The following OSBP2 variants were observed in gnomAD, a reference collection of about 807,000 sequenced individuals.
OSBP2 encodes the protein oxysterol-binding protein 2.
A neutral mutation model predicts 96.0 loss-of-function variants in OSBP2; 66 were observed. That is an observed-to-expected ratio of 0.69 (90% CI 0.56 to 0.84). OSBP2 has a LOEUF of 0.84. Among genes scored for constraint, OSBP2 ranks in the 40% least tolerant of loss-of-function variants. OSBP2 has a pLI of 0.00. For synonymous variants in OSBP2, 525 were observed against 520.9 expected (o/e 1.01, Z -0.11); for missense variants, 1,038 against 1,222.7 (o/e 0.85, Z 2.25).
chr22:30,828,819 C>T (rs1449035640), intron 2 of OSBP2, among the ~76,000 whole-genome samples: 3 of 152,120 alleles, frequency 2.0e-5, no homozygotes, highest in Admixed American at 1.3e-4. Flanking sequence ...CAGGCTTCCC[C>T]CAGTGCTTGT....
chr22:30,739,663 C>T (rs2089909017), intron 1 of OSBP2, among the ~76,000 whole-genome samples: 1 of 151,888 alleles, frequency 6.6e-6, no homozygotes, highest in Non-Finnish European at 1.5e-5. Flanking sequence ...TTGTAAACGC[C>T]CAAGGGGTTC....
chr22:30,807,545 G>A (rs562906220), intron 2 of OSBP2, among the ~76,000 whole-genome samples: 2 of 152,102 alleles, frequency 1.3e-5, no homozygotes, highest in South Asian at 2.1e-4. Context: ...TGCCACAGCC[G>A]GGCCTGGAAG....
chr22:30,780,356 G>A (rs768450522), intron 2 of OSBP2, among the ~76,000 whole-genome samples: 4 of 152,192 alleles, frequency 2.6e-5, no homozygotes, highest in Admixed American at 6.5e-5. Flanking sequence ...GACCTCATCC[G>A]TGAGTTTTCC....
intron 5 of OSBP2, among the ~76,000 whole-genome samples, 163 bp from the exon 6 acceptor site, chr22:30,889,014 C>A (rs1226060106): frequency 6.6e-6 from 1 of 152,194 alleles, no homozygotes; most frequent in Non-Finnish European, 1.5e-5. Flanking sequence ...ACTATCCACC[C>A]TTGAAATGTT....
intron 2 of OSBP2, among the ~76,000 whole-genome samples, chr22:30,760,196 C>T (rs1247551383): frequency 6.8e-6 from 1 of 148,054 alleles, no homozygotes; most frequent in Non-Finnish European, 1.5e-5. Context: ...CAGAGTCTTG[C>T]ACTGTTGCCC....
intron 2 of OSBP2, among the ~76,000 whole-genome samples, chr22:30,804,113 A>G (rs2090894332): frequency 6.6e-6 from 1 of 152,132 alleles, no homozygotes; most frequent in Admixed American, 6.6e-5. Context: ...GGTCAGACAG[A>G]TAGATGTGTT....
intron 1 of OSBP2, among the ~76,000 whole-genome samples, chr22:30,726,021 A>G (rs772980941): frequency 1.3e-5 from 2 of 151,954 alleles, no homozygotes; most frequent in Non-Finnish European, 2.9e-5. Flanking sequence ...CTCAAGTGAT[A>G]TGCCCACCTC....
At chr22:30,760,401 C>T (rs2090192282) in intron 2 of OSBP2, among the ~76,000 whole-genome samples, 1 of 152,094 alleles carries the variant, frequency 6.6e-6, no homozygotes, top group Non-Finnish European at 1.5e-5. Context: ...ACATCTTCAA[C>T]AAAATATTAA....
intron 2 of OSBP2, among the ~76,000 whole-genome samples, chr22:30,779,520 T>G (rs1368868385): frequency 6.6e-6 from 1 of 152,098 alleles, no homozygotes; most frequent in Non-Finnish European, 1.5e-5. Context: ...GTTTTTTGGA[T>G]GGGGACATTT....
intron 1 of OSBP2, among the ~76,000 whole-genome samples, chr22:30,710,276 A>G (rs964477998): frequency 6.6e-6 from 1 of 152,210 alleles, no homozygotes; most frequent in African/African-American, 2.4e-5. Context: ...GAGCAGAATC[A>G]GTGCTTGACT....
intron 1 of OSBP2, among the ~76,000 whole-genome samples, chr22:30,740,466 C>T (rs996470218): frequency 3.3e-5 from 5 of 152,158 alleles, no homozygotes; most frequent in African/African-American, 1.2e-4. Flanking sequence ...TACTCTAGTC[C>T]CTAGGCAAGA....
At chr22:30,901,640 G>GA (rs2040198159) in intron 12 of OSBP2, among the ~76,000 whole-genome samples, 1 of 151,884 alleles carries the variant, frequency 6.6e-6, no homozygotes, top group African/African-American at 2.4e-5. Context: ...CAAGGCCGGT[G>GA]GAACACCTGA....
rs376157573 is a variant in OSBP2 at position 30,741,184 on chromosome 22, C to A, written c.668C>A (p.Thr223Lys). The change falls in exon 2 of 14, where the codon ACG becomes AAG. Residue 223 changes from threonine to lysine, a missense_variant. Thr to Lys is a moderately conservative substitution (Grantham distance 78, BLOSUM62 -1). This residue lies in a region of OSBP2 where 281 missense variants were observed against 273.4 expected (regional missense o/e 1.03). Coordinates refer to ENST00000332585, the MANE Select transcript of OSBP2 (RefSeq NM_030758.4). ...YYRNQGEMAH[T>K]CRGTINLSTA... ...AGAAATCAGGGTGAAATGGCCCACA[C>A]GTGCCGTGGAACCATCAACCTGTCC... 1.2e-6 allele frequency: 2 copies of A among 1,613,952 alleles called. No individual in the cohort carries two copies. Among genetic ancestry groups the A allele is most frequent in the Non-Finnish European group, 1.7e-6 (2 of 1,179,940 alleles).
intron 2 of OSBP2, among the ~76,000 whole-genome samples, chr22:30,833,774 G>A (rs1220874937): frequency 6.6e-6 from 1 of 152,142 alleles, no homozygotes; most frequent in East Asian, 1.9e-4. Context: ...TTGCAGGTCT[G>A]GGACTTCATC....
At chr22:30,720,289 G>C (rs1258647888) in intron 1 of OSBP2, among the ~76,000 whole-genome samples, 2 of 152,166 alleles carry the variant, frequency 1.3e-5, no homozygotes, top group African/African-American at 4.8e-5. Flanking sequence ...ATTAATTGGG[G>C]TGATCCTGAG....
chr22:30,860,685 C>T (rs1432115785), intron 2 of OSBP2, among the ~76,000 whole-genome samples: 1 of 152,174 alleles, frequency 6.6e-6, no homozygotes, highest in East Asian at 1.9e-4. Context: ...GTGAGTGAGC[C>T]CACCACAGAG....
At chr22:30,866,881 C>T (rs999626707) in intron 2 of OSBP2, among the ~76,000 whole-genome samples, 2 of 152,224 alleles carry the variant, frequency 1.3e-5, no homozygotes, top group Admixed American at 6.5e-5. Flanking sequence ...CTTCTGGACT[C>T]AGTGTGGCCA....
At chr22:30,729,755 C>T (rs1459329036) in intron 1 of OSBP2, among the ~76,000 whole-genome samples, 1 of 151,824 alleles carries the variant, frequency 6.6e-6, no homozygotes, top group South Asian at 2.1e-4. Context: ...CCTGTAATCC[C>T]AGTACTTTGA....
At chr22:30,706,618 A>G (rs2089257663) in intron 1 of OSBP2, among the ~76,000 whole-genome samples, 1 of 152,150 alleles carries the variant, frequency 6.6e-6, no homozygotes, top group African/African-American at 2.4e-5. Flanking sequence ...GGCTCACCAG[A>G]TGAAGCCCTG....
Sources: allele counts gnomAD v4.1 joint callset (sites outside exome capture counted in the v4.1 genomes callset), GRCh38; gene constraint gnomAD v4.1.1; regional missense constraint gnomAD v4.1.1; transcripts MANE v1.5; gene names NCBI Gene and HGNC (gene_info 2026-07-23, HGNC 2026-07-21).